The following TMEM218 variants were observed in gnomAD, a reference collection of about 807,000 sequenced individuals.
The protein encoded by TMEM218 is transmembrane protein 218.
Under a neutral mutation model 10.0 loss-of-function variants are expected in TMEM218, and 8 were observed. That is an observed-to-expected ratio of 0.80 (90% CI 0.47 to 1.44). TMEM218 has a LOEUF of 1.44. Among genes scored for constraint, TMEM218 ranks in the 40% most tolerant of loss-of-function variants. The pLI is 0.00. For synonymous variants in TMEM218, 66 were observed against 63.5 expected, an observed-to-expected ratio of 1.04 and a Z score of -0.18; for missense variants, 110 against 140.1, an observed-to-expected ratio of 0.79 and a Z score of 1.08.
rs1223979895 is a variant in TMEM218 at position 125,096,406 on chromosome 11, C to T, written c.*1200G>A. On this transcript the variant is annotated 3_prime_UTR_variant, in exon 5 of 5. Coordinates refer to ENST00000682305, the MANE Select transcript of TMEM218 (RefSeq NM_001258244.2). ...ACCCTAGTGTGTTTTCTCTCTGAGA[C>T]AAGCCCTGGGGCCTACCACACCTGG... 1 of 152,214 alleles carries T rather than the reference C, an allele frequency of 6.6e-6. No individual in the cohort carries two copies. The highest frequency in any genetic ancestry group is 2.4e-5 in the African/African-American group (1 of 41,452). The allele number at this position is 152,214 out of a possible 1,614,324, so 9.4% of individuals were successfully genotyped here. A position where few individuals can be genotyped will look rare whatever the true frequency, so the allele number is the denominator to read the frequency against.
intron 1 of TMEM218, among the ~76,000 whole-genome samples, chr11:125,105,367 C>T (rs948154962): frequency 6.6e-6 from 1 of 152,082 alleles, no homozygotes; most frequent in African/African-American, 2.4e-5. Flanking sequence ...AAGTGTAAAA[C>T]AAAGATGTTT....
At chr11:125,098,939 A>C (rs1462475198) in intron 4 of TMEM218, among the ~76,000 whole-genome samples, 1 of 152,188 alleles carries the variant, frequency 6.6e-6, no homozygotes, top group Non-Finnish European at 1.5e-5. Flanking sequence ...TGGAAAGGAT[A>C]AGGAAATGGA....
rs1949456972 is a variant in TMEM218, at chr11:125,095,045, A to G, written c.*2561T>C. 6.6e-6 allele frequency among the ~76,000 whole-genome samples: 1 copy of G among 152,240 alleles called. No homozygotes were observed. Among genetic ancestry groups the G allele is most frequent in the Admixed American group, 6.5e-5 (1 of 15,292 alleles). The stretch of plus-strand genomic sequence containing the variant: ...CACAAAGAATGGTAGCTTTACTTCC[A>G]TTTTTATCAGTGAAAAATTTAAGGA... On this transcript the variant is annotated 3_prime_UTR_variant, in exon 5 of 5. Transcript: ENST00000682305.
chr11:125,101,351 CT>C (rs747596049), intron 3 of TMEM218, 48 bp from the exon 4 acceptor site: 103 of 1,574,242 alleles, frequency 6.5e-5, no homozygotes, highest in Non-Finnish European at 8.3e-5. Flanking sequence ...ATAATTTCTT[CT>C]TTGATCAGTT....
intron 1 of TMEM218, chr11:125,103,061 C>T (rs1951204117): frequency 4.9e-6 from 1 of 202,542 alleles, no homozygotes; most frequent in East Asian, 1.3e-4. Context: ...GCTGTGCTCC[C>T]TCCAAAGGCT....
rs752705898 is a variant in TMEM218 at position 125,101,192 on chromosome 11, C to G, written c.213+9G>C. 3 of 1,611,626 alleles carry G rather than the reference C, an allele frequency of 1.9e-6. No individual in the cohort carries two copies. Among genetic ancestry groups the G allele is most frequent in the Admixed American group, 1.7e-5 (1 of 59,928 alleles). On this transcript the variant is annotated intron_variant, in intron 4 of 4. Coordinates refer to ENST00000682305, the MANE Select transcript of TMEM218 (RefSeq NM_001258244.2). ...AGCTCAGGAGGCAAAACGAAAGCAA[C>G]AGCTTTACCTTAACTTCCACTTCTG...
rs1313700801 is a variant in TMEM218, at chr11:125,095,141, AG to A, written c.*2464del. On this transcript the variant is annotated 3_prime_UTR_variant, in exon 5 of 5. Coordinates refer to ENST00000682305, the MANE Select transcript of TMEM218 (RefSeq NM_001258244.2). Reference sequence around the variant, plus strand: ...GTATCCTCCTAATTCAGCTTTTGTCAGGATACAATTTTAAGACGCCACGAAA... The same window carrying A: ...GTATCCTCCTAATTCAGCTTTTGTCAGATACAATTTTAAGACGCCACGAAA... Among the ~76,000 whole-genome samples, 1 of 152,232 alleles carries A rather than the reference AG, an allele frequency of 6.6e-6. No homozygotes were observed. Among genetic ancestry groups the A allele is most frequent in the African/African-American group, 2.4e-5 (1 of 41,464 alleles).
intron 1 of TMEM218, among the ~76,000 whole-genome samples, chr11:125,109,086 C>A (rs773250068): frequency 3.8e-4 from 58 of 152,018 alleles, no homozygotes; most frequent in Admixed American, 7.2e-4. Context: ...CAGGAAAAAA[C>A]CTAAATGTCC....
At position 125,101,269 on chromosome 11, in the gene TMEM218, T is replaced by C. The variant is rs768089994; in HGVS notation, c.145A>G (p.Ile49Val). 6 of 1,613,526 alleles carry C rather than the reference T, an allele frequency of 3.7e-6. No individual in the cohort carries two copies. Residue 49 changes from isoleucine to valine, a missense_variant, in exon 4 of 5, where the codon ATC becomes GTC. Physicochemically the swap from Ile to Val is conservative, Grantham distance 29 (BLOSUM62 3). Transcript: ENST00000682305. Reference protein sequence around the residue: ...SVIFLFFGAVIITSVLLLFPR... With the variant: ...SVIFLFFGAVVITSVLLLFPR... ...AAAAGCAACAGAACTGATGTGATGA[T>C]CACAGCACCGAAGAATAAAAAAATG...
intron 1 of TMEM218, chr11:125,103,961 T>C (rs540467017): frequency 2.0e-5 from 3 of 152,340 alleles, no homozygotes; most frequent in South Asian, 4.1e-4. Context: ...GTTCCCACCA[T>C]GTAAAGCACT....
chr11:125,097,965 A>G (rs1315722818), intron 4 of TMEM218, among the ~76,000 whole-genome samples: 5 of 152,224 alleles, frequency 3.3e-5, no homozygotes, highest in Admixed American at 2.6e-4. Context: ...AAATGGCTCA[A>G]TTTAGGATGT....
intron 1 of TMEM218, chr11:125,103,343 C>T (rs1201491837): frequency 1.3e-5 from 2 of 152,442 alleles, no homozygotes; most frequent in African/African-American, 4.8e-5. Context: ...CGGAAACCAC[C>T]CCCCTGCATC....
intron 1 of TMEM218, among the ~76,000 whole-genome samples, chr11:125,109,454 C>A (rs1337118165): frequency 1.3e-5 from 2 of 152,034 alleles, no homozygotes; most frequent in African/African-American, 4.8e-5. Flanking sequence ...TGTTTTATTT[C>A]TTTAAAATAA....
chr11:125,094,919 G>A lies in TMEM218; in HGVS notation c.*2687C>T, dbSNP rs1236854800. Reference sequence around the variant, plus strand: ...ACCCTACGGGCACACAATATATGCTGAATGAATGGCAGGATTCGAGAATGA... The same window carrying A: ...ACCCTACGGGCACACAATATATGCTAAATGAATGGCAGGATTCGAGAATGA... On this transcript the variant is annotated 3_prime_UTR_variant, in exon 5 of 5. Transcript: ENST00000682305. Among the ~76,000 whole-genome samples the A allele has an allele frequency of 1.3e-5, 2 of 152,192 alleles. No individual in the cohort carries two copies. The highest frequency in any genetic ancestry group is 2.4e-5 in the African/African-American group (1 of 41,446).
rs1450271152 is a variant in TMEM218 at position 125,096,195 on chromosome 11, A to T, written c.*1411T>A. ...AATGGTTCAATGTAGGGATAACTAT[A>T]CCTGGCCCTCACCAGCCCATGACTC... On this transcript the variant is annotated 3_prime_UTR_variant, in exon 5 of 5. Coordinates refer to ENST00000682305, the MANE Select transcript of TMEM218 (RefSeq NM_001258244.2). 6.6e-6 allele frequency among the ~76,000 whole-genome samples: 1 copy of T among 152,080 alleles called. No individual in the cohort carries two copies. The highest frequency in any genetic ancestry group is 6.5e-5 in the Admixed American group (1 of 15,280).
At chr11:125,106,467 C>G (rs1952181848) in intron 1 of TMEM218, among the ~76,000 whole-genome samples, 1 of 151,980 alleles carries the variant, frequency 6.6e-6, no homozygotes, top group African/African-American at 2.4e-5. Flanking sequence ...TGTATAAAAC[C>G]ACTAATTTAG....
intron 2 of TMEM218, 159 bp downstream of exon 2, chr11:125,102,575 C>T: frequency 7.4e-7 from 1 of 1,343,252 alleles, no homozygotes. Flanking sequence ...CTGAGTTCTA[C>T]TTTGACCTCT....
At chr11:125,105,339 C>A (rs867405934) in intron 1 of TMEM218, among the ~76,000 whole-genome samples, 14 of 152,266 alleles carry the variant, frequency 9.2e-5, no homozygotes, top group African/African-American at 3.1e-4. Context: ...GGCTGGCATG[C>A]AAGACTCCCT....
rs929621039 is a variant in TMEM218, at chr11:125,097,421, A to G, written c.*185T>C. ...TAAGCTGGTAAGAATCTAGCCCCACAGGGACAATTTGGCAATCCTGTTTCT... is the reference window on the plus strand; with the variant it reads ...TAAGCTGGTAAGAATCTAGCCCCACGGGGACAATTTGGCAATCCTGTTTCT... On this transcript the variant is annotated 3_prime_UTR_variant, in exon 5 of 5. Coordinates refer to ENST00000682305, the MANE Select transcript of TMEM218 (RefSeq NM_001258244.2). The G allele has an allele frequency of 4.0e-4, 228 of 566,608 alleles. 2 individuals carry two copies. In the East Asian group the frequency reaches 6.7e-3, roughly 17 times the overall value. The allele number at this position is 566,608 out of a possible 1,614,324, so 35.1% of individuals were successfully genotyped here.
Sources: allele counts gnomAD v4.1 joint callset (sites outside exome capture counted in the v4.1 genomes callset), GRCh38; gene constraint gnomAD v4.1.1; transcripts MANE v1.5; gene names NCBI Gene and HGNC (gene_info 2026-07-23, HGNC 2026-07-21).